Variants in KIR2DL1 observed in about 807,000 individuals in gnomAD.
KIR2DL1 encodes killer cell immunoglobulin-like receptor 2DL1.
In KIR2DL1, 38 loss-of-function variants were observed where a neutral mutation model predicts 33.9. The ratio of observed to expected loss-of-function variants is 1.12; its 90% confidence interval spans 0.86 to 1.47. KIR2DL1 has a LOEUF of 1.47. Among genes scored for constraint, KIR2DL1 ranks in the 40% most tolerant of loss-of-function variants. The pLI is 0.00. For missense variants in KIR2DL1, 531 were observed against 433.9 expected (o/e 1.22, Z -1.99); for synonymous variants, 179 against 165.9 (o/e 1.08, Z -0.61).
intron 5 of KIR2DL1, among the ~76,000 whole-genome samples, chr19:54,782,174 C>G (rs2077042121): frequency 1.3e-5 from 2 of 152,040 alleles, no homozygotes; most frequent in Admixed American, 6.5e-5. Flanking sequence ...GTTTTGTACC[C>G]TGGAGCCACA....
chr19:54,773,766 T>G, intron 3 of KIR2DL1, 134 bp downstream of exon 3: 1 of 1,024,192 alleles, frequency 9.8e-7, no homozygotes, highest in Non-Finnish European at 1.4e-6. Flanking sequence ...GTGAGGTCTG[T>G]GCCAACAGAG....
chr19:54,772,596 T>G (rs2075867337), intron 2 of KIR2DL1, among the ~76,000 whole-genome samples: 2 of 145,932 alleles, frequency 1.4e-5, no homozygotes, highest in Admixed American at 1.4e-4. Flanking sequence ...TCCTAGCGAC[T>G]TGGGAGGCTG....
intron 4 of KIR2DL1, among the ~76,000 whole-genome samples, chr19:54,776,147 C>T (rs555880760): frequency 6.9e-6 from 1 of 144,362 alleles, no homozygotes; most frequent in Non-Finnish European, 1.5e-5. Context: ...GCATCAGCCT[C>T]CCAAAGTGCT....
Position 54,775,406 on chromosome 19 carries a change from C to G in KIR2DL1, c.612C>G (p.Asp204Glu). 6.3e-7 allele frequency: 1 copy of G among 1,584,404 alleles called. No individual in the cohort carries two copies. Among genetic ancestry groups the G allele is most frequent in the Non-Finnish European group, 8.6e-7 (1 of 1,156,414 alleles). ...ACAGATGCTTCGGCTCTTTCCATGA[C>G]TCTCCATACGAGTGGTCAAAGTCAA... ...GTYRCFGSFH[D>E]SPYEWSKSSD... Residue 204 changes from aspartate (D) to glutamate (E), a missense_variant, in exon 4 of 8, where the codon GAC (aspartate) becomes GAG (glutamate). Transcript: ENST00000336077.
Position 54,770,537 on chromosome 19 carries a change from C to T in KIR2DL1, c.35-312C>T, listed in dbSNP as rs1441585094. Among the ~76,000 whole-genome samples, 58 of 138,970 alleles carry T rather than the reference C, an allele frequency of 4.2e-4. 3 individuals carry two copies. The highest frequency in any genetic ancestry group is 1.5e-3 in the African/African-American group (57 of 37,314). The allele number at this position is 138,970 out of a possible 152,430, so 91.2% of individuals were successfully genotyped here. ...AAGGGCCTGGATTGGAGATATGGGCCCAGGGTGGAGATCTGAGCCTGGATT... is the reference window on the plus strand; with the variant it reads ...AAGGGCCTGGATTGGAGATATGGGCTCAGGGTGGAGATCTGAGCCTGGATT... On this transcript the variant is annotated intron_variant, in intron 1 of 7. Transcript: ENST00000336077.
At chr19:54,774,627 AG>A (rs2076118334) in intron 3 of KIR2DL1, among the ~76,000 whole-genome samples, 1 of 97,288 alleles carries the variant, frequency 1.0e-5, no homozygotes, top group Admixed American at 1.2e-4. Context: ...TGATGAAGAC[AG>A]ATAGATAGAT....
intron 5 of KIR2DL1, 152 bp from the exon 6 acceptor site, chr19:54,782,770 G>GA: frequency 1.3e-6 from 1 of 789,824 alleles, no homozygotes; most frequent in Non-Finnish European, 2.2e-6. Context: ...AGCTATAACA[G>GA]AAAAAGCAGG....
At chr19:54,782,896 C>A in intron 5 of KIR2DL1, 26 bp from the exon 6 acceptor site, 1 of 1,604,672 alleles carries the variant, frequency 6.2e-7, no homozygotes, top group Non-Finnish European at 8.5e-7. Flanking sequence ...AGATTAGCTT[C>A]TTATTGGTGT....
At position 54,783,023 on chromosome 19, in the gene KIR2DL1, A is replaced by G. The variant is rs1226314887; in HGVS notation, c.817A>G (p.Asn273Asp). The change falls in exon 6 of 8, where the codon AAT becomes GAT. Residue 273 changes from asparagine to aspartate, a missense_variant and splice_region_variant. Coordinates refer to ENST00000336077, the MANE Select transcript of KIR2DL1 (RefSeq NM_014218.3). Reference protein sequence around the residue: ...LLHRWCSNKKNAAVMDQESAG... With the variant: ...LLHRWCSNKKDAAVMDQESAG... ...TCATCGCTGGTGCTCCAACAAAAAA[A>G]GTAAGTCTCACGAAGCAGAGGCCAG... 7 of 1,613,172 alleles carry G rather than the reference A, an allele frequency of 4.3e-6. No homozygotes were observed. Among genetic ancestry groups the G allele is most frequent in the East Asian group, 2.2e-5 (1 of 44,892 alleles).
intron 1 of KIR2DL1, among the ~76,000 whole-genome samples, chr19:54,770,152 C>G (rs867521670): frequency 7.0e-6 from 1 of 142,922 alleles, no homozygotes; most frequent in Non-Finnish European, 1.6e-5. Flanking sequence ...AGATAGGAAC[C>G]TGGAGGGGAG....
intron 5 of KIR2DL1, among the ~76,000 whole-genome samples, chr19:54,781,762 A>G (rs2076981586): frequency 6.6e-6 from 1 of 152,090 alleles, no homozygotes; most frequent in Non-Finnish European, 1.5e-5. Context: ...TTGACATAAG[A>G]GAATTCTATT....
chr19:54,781,041 G>T (rs534156357), intron 5 of KIR2DL1, among the ~76,000 whole-genome samples: 1 of 91,864 alleles, frequency 1.1e-5, no homozygotes, highest in Admixed American at 1.3e-4. Context: ...GAGCACGATG[G>T]TGCATCCCTG....
rs1453765220 is a variant in KIR2DL1, at chr19:54,783,748, G to A, written c.982G>A (p.Asp328Asn). 9.3e-6 allele frequency: 15 copies of A among 1,613,996 alleles called. No individual in the cohort carries two copies. In the African/African-American group the frequency reaches 2.0e-4, roughly 22 times the overall value. Reference sequence around the variant, plus strand: ...TCAGAGGCCCAAGACACCCCCAACAGATATCATCGTGTACACGGAACTTCC... The same window carrying A: ...TCAGAGGCCCAAGACACCCCCAACAAATATCATCGTGTACACGGAACTTCC... ...PSQRPKTPPT[D>N]IIVYTELPNA... Residue 328 changes from aspartate (D) to asparagine (N), a missense_variant, in exon 8 of 8, where the codon GAT becomes AAT. By Grantham distance (23) the Asp-to-Asn change is conservative. Coordinates refer to ENST00000336077, the MANE Select transcript of KIR2DL1 (RefSeq NM_014218.3).
In KIR2DL1 at chr19:54,777,371, G is replaced by T. The variant is rs1213915084; in HGVS notation, c.665-1241G>T. Among the ~76,000 whole-genome samples, 3 of 148,076 alleles carry T rather than the reference G, an allele frequency of 2.0e-5. No individual in the cohort carries two copies. The Admixed American group carries it at 2.0e-4, about 10-fold the overall frequency. ...TTCTCAAAGTTCTAGGATGACACAA[G>T]TGAGCCACCTCACCCGGCCTAAAAG... On this transcript the variant is annotated intron_variant, in intron 4 of 7. Coordinates refer to ENST00000336077, the MANE Select transcript of KIR2DL1 (RefSeq NM_014218.3).
At chr19:54,770,619 T>C (rs1168435872) in intron 1 of KIR2DL1, among the ~76,000 whole-genome samples, 8 of 136,468 alleles carry the variant, frequency 5.9e-5, no homozygotes, top group Non-Finnish European at 1.3e-4. Flanking sequence ...CGGCCTGGAG[T>C]GGAGATATGG....
chr19:54,780,826 G>C (rs1238885569), intron 5 of KIR2DL1, among the ~76,000 whole-genome samples: 6 of 127,134 alleles, frequency 4.7e-5, no homozygotes, highest in African/African-American at 1.8e-4. Flanking sequence ...ATCAATACCT[G>C]GCAAAGGAGT....
At chr19:54,781,503 C>T (rs1271670370) in intron 5 of KIR2DL1, among the ~76,000 whole-genome samples, 1 of 150,604 alleles carries the variant, frequency 6.6e-6, no homozygotes, top group Non-Finnish European at 1.5e-5. Flanking sequence ...TCAGATAGAC[C>T]ATGGGGAGGT....
chr19:54,774,582 T>TGTATGATGTATCATACATATGATGA lies in KIR2DL1; in HGVS notation c.371-583_371-582insGTATGATGTATCATACATATGATGA, dbSNP rs1405559360. ...TTATAGATACATAGATGATGATTGA[T>TGTATGATGTATCATACATATGATGA]TGATTCATTAATAGATGAGACATAG... is the stretch of plus-strand genomic sequence containing the variant. On this transcript the variant is annotated intron_variant, in intron 3 of 7. Transcript: ENST00000336077. 1.3e-5 allele frequency among the ~76,000 whole-genome samples: 2 copies of TGTATGATGTATCATACATATGATGA among 148,226 alleles called. 1 individual carries two copies. Among genetic ancestry groups the TGTATGATGTATCATACATATGATGA allele is most frequent in the Non-Finnish European group, 3.0e-5 (2 of 66,152 alleles).
intron 4 of KIR2DL1, among the ~76,000 whole-genome samples, chr19:54,775,779 G>A (rs1244390841): frequency 6.7e-6 from 1 of 148,930 alleles, no homozygotes; most frequent in East Asian, 1.9e-4. Flanking sequence ...TTTCCCAGAA[G>A]CCCATCCTGG....
Sources: allele counts gnomAD v4.1 joint callset (sites outside exome capture counted in the v4.1 genomes callset), GRCh38; gene constraint gnomAD v4.1.1; transcripts MANE v1.5; gene names NCBI Gene and HGNC (gene_info 2026-07-23, HGNC 2026-07-21).